The following MTRF1 variants were observed in gnomAD, a reference collection of about 807,000 sequenced individuals.
MTRF1 encodes mitochondrial translation release factor 1.
A neutral mutation model predicts 62.9 loss-of-function variants in MTRF1; 51 were observed. The observed-to-expected ratio is 0.81, with a 90% CI of 0.65 to 1.02. The LOEUF (loss-of-function observed/expected upper bound fraction) is 1.02, where lower values mean the gene tolerates loss of function less well. Ranked by LOEUF, MTRF1 falls within the 50% of genes least tolerant of loss-of-function variation. The pLI, the probability that MTRF1 is intolerant of heterozygous loss-of-function variation, is 0.00. For synonymous variants in MTRF1, 158 were observed against 181.9 expected, an observed-to-expected ratio of 0.87 and a Z score of 1.06; for missense variants, 446 against 530.0, an observed-to-expected ratio of 0.84 and a Z score of 1.56.
the MTRF1 span, among the ~76,000 whole-genome samples, chr13:41,276,155 A>G: frequency 6.6e-6 from 1 of 151,798 alleles, no homozygotes; most frequent in Admixed American, 6.6e-5. Context: ...AGTCACTAAA[A>G]TTCTCTTCAT....
At chr13:41,291,849 T>C in the MTRF1 span, among the ~76,000 whole-genome samples, 4 of 152,174 alleles carry the variant, frequency 2.6e-5, no homozygotes, top group Non-Finnish European at 5.9e-5. Context: ...TTTGTGATCT[T>C]AGTCTTCCAC....
the MTRF1 span, among the ~76,000 whole-genome samples, chr13:41,299,489 C>A: frequency 6.6e-6 from 1 of 152,072 alleles, no homozygotes; most frequent in Admixed American, 6.6e-5. Context: ...AATATGAGAT[C>A]AATTTTTTTC....
chr13:41,224,900 T>C (rs764312661), intron 8 of MTRF1, among the ~76,000 whole-genome samples: 7 of 152,156 alleles, frequency 4.6e-5, no homozygotes, highest in African/African-American at 1.7e-4. Context: ...AAAGCCAATC[T>C]TGAATACCTA....
the MTRF1 span, among the ~76,000 whole-genome samples, chr13:41,288,549 G>A: frequency 1.3e-5 from 2 of 152,200 alleles, no homozygotes; most frequent in East Asian, 3.8e-4. Flanking sequence ...AACTGAGTGG[G>A]AGGCTTACTG....
At chr13:41,289,752 A>C in the MTRF1 span, among the ~76,000 whole-genome samples, 1 of 152,222 alleles carries the variant, frequency 6.6e-6, no homozygotes, top group Non-Finnish European at 1.5e-5. Flanking sequence ...GATCCACTGA[A>C]AACCGCAAAG....
At chr13:41,263,286 A>G (rs771781804) in intron 1 of MTRF1, 199 bp downstream of exon 1, 42 of 1,289,258 alleles carry the variant, frequency 3.3e-5, no homozygotes, top group Non-Finnish European at 4.0e-5. Flanking sequence ...TGAGAACAGC[A>G]CGACTTCTCC....
At chr13:41,261,881 G>T in intron 1 of MTRF1, 1 of 604,870 alleles carries the variant, frequency 1.7e-6, no homozygotes, top group Non-Finnish European at 2.1e-6. Flanking sequence ...CTGGTGAAAA[G>T]CTCTACAGTT....
chr13:41,244,815 C>T (rs757131660), intron 5 of MTRF1, among the ~76,000 whole-genome samples: 5 of 152,200 alleles, frequency 3.3e-5, no homozygotes, highest in Non-Finnish European at 5.9e-5. Flanking sequence ...CCCCACCCAA[C>T]AGCTTAACTG....
chr13:41,300,856 G>A, the MTRF1 span, among the ~76,000 whole-genome samples: 5 of 152,192 alleles, frequency 3.3e-5, no homozygotes, highest in Non-Finnish European at 5.9e-5. Flanking sequence ...GATAATGGGC[G>A]AGGCAGCTAG....
Position 41,228,374 on chromosome 13 carries a change from C to T in MTRF1, c.989-1806G>A, listed in dbSNP as rs139231064. On this transcript the variant is annotated intron_variant, in intron 7 of 9. Coordinates refer to ENST00000379480, the MANE Select transcript of MTRF1 (RefSeq NM_004294.4). ...TTGAGGCCAGAAGTTCTGAGACCAG[C>T]CTGGACAACACAGCAAGATTTCGTC... 9.4e-3 allele frequency among the ~76,000 whole-genome samples: 1,423 copies of T among 152,144 alleles called. 21 individuals are homozygous for T. The highest frequency in any genetic ancestry group is 0.032 in the African/African-American group (1,342 of 41,500).
At chr13:41,235,397 C>G (rs999514161) in intron 6 of MTRF1, 1 of 152,156 alleles carries the variant, frequency 6.6e-6, no homozygotes, top group African/African-American at 2.4e-5. Flanking sequence ...TGAAAATCAA[C>G]TTCATTCGTG....
the MTRF1 span, among the ~76,000 whole-genome samples, chr13:41,272,072 A>T: frequency 2.6e-5 from 4 of 152,162 alleles, no homozygotes; most frequent in Admixed American, 2.0e-4. Flanking sequence ...AAATCCTCTC[A>T]CAGTACAAAG....
the MTRF1 span, among the ~76,000 whole-genome samples, chr13:41,296,069 G>C: frequency 6.6e-6 from 1 of 152,108 alleles, no homozygotes; most frequent in Non-Finnish European, 1.5e-5. Context: ...TTGGTCTCCT[G>C]AGTAGCTAGG....
the MTRF1 span, among the ~76,000 whole-genome samples, chr13:41,312,023 C>G: frequency 2.0e-5 from 3 of 152,214 alleles, no homozygotes; most frequent in African/African-American, 7.2e-5. Context: ...TTAGATTGCA[C>G]AGCACACCCG....
the MTRF1 span, among the ~76,000 whole-genome samples, chr13:41,297,390 G>A: frequency 6.6e-6 from 1 of 152,016 alleles, no homozygotes; most frequent in Non-Finnish European, 1.5e-5. Context: ...TTTTATCTAA[G>A]CCCCCTGAAG....
At chr13:41,274,009 A>G in the MTRF1 span, among the ~76,000 whole-genome samples, 1 of 152,206 alleles carries the variant, frequency 6.6e-6, no homozygotes, top group Middle Eastern at 3.2e-3. Context: ...AAAGGAGGCA[A>G]TCAGATATCC....
In MTRF1 at chr13:41,252,819, C is replaced by G. The variant is rs2039242749; in HGVS notation, c.590-67G>C. Reference sequence around the variant, plus strand: ...GGAAAGCCACCCTTAAGACTAAGTCCTTTAGGAAATAAAGAATAACTATTT... The same window carrying G: ...GGAAAGCCACCCTTAAGACTAAGTCGTTTAGGAAATAAAGAATAACTATTT... On this transcript the variant is annotated intron_variant, in intron 4 of 9. Coordinates refer to ENST00000379480, the MANE Select transcript of MTRF1 (RefSeq NM_004294.4). 5 of 1,426,946 alleles carry G rather than the reference C, an allele frequency of 3.5e-6. No homozygotes were observed. In the Admixed American group the frequency reaches 9.2e-5, roughly 26 times the overall value. The allele number at this position is 1,426,946 out of a possible 1,614,324, so 88.4% of individuals were successfully genotyped here.
the MTRF1 span, among the ~76,000 whole-genome samples, chr13:41,301,432 G>A: frequency 6.6e-6 from 1 of 152,134 alleles, no homozygotes; most frequent in African/African-American, 2.4e-5. Context: ...GACTTGGGAG[G>A]TGGGAGGCAG....
chr13:41,311,688 GC>G, the MTRF1 span: 2 of 1,025,656 alleles, frequency 1.9e-6, no homozygotes, highest in African/African-American at 1.7e-5. Flanking sequence ...GGCCTCCGCT[GC>G]CCACCGCTCT....
Sources: allele counts gnomAD v4.1 joint callset (sites outside exome capture counted in the v4.1 genomes callset), GRCh38; gene constraint gnomAD v4.1.1; transcripts MANE v1.5; gene names NCBI Gene and HGNC (gene_info 2026-07-23, HGNC 2026-07-21).